Variants in GABRG3 observed in about 807,000 individuals in gnomAD.
GABRG3 encodes gamma-aminobutyric acid receptor subunit gamma-3.
GABRG3 carries 25 observed loss-of-function variants against 48.8 expected under a neutral mutation model. The ratio of observed to expected loss-of-function variants is 0.51; its 90% CI spans 0.37 to 0.72. The LOEUF (loss-of-function observed/expected upper bound fraction) is 0.72, where lower values mean the gene tolerates loss of function less well. Ranked by LOEUF, GABRG3 falls within the 30% of genes least tolerant of loss-of-function variation. The pLI, the probability that GABRG3 is intolerant of heterozygous loss-of-function variation, is 0.00. For synonymous variants in GABRG3, 227 were observed against 217.6 expected (o/e 1.04, Z -0.38); for missense variants, 394 against 577.9 (o/e 0.68, Z 3.26).
chr15:27,131,692 T>C (rs1406259339), intron 3 of GABRG3, among the ~76,000 whole-genome samples: 4 of 152,032 alleles, frequency 2.6e-5, no homozygotes, highest in Admixed American at 6.6e-5. Context: ...TAAAATGCAG[T>C]TCTATTTTTA....
At chr15:27,171,519 T>TATATATATATAC (rs1298681977) in intron 3 of GABRG3, among the ~76,000 whole-genome samples, 1 of 148,376 alleles carries the variant, frequency 6.7e-6, no homozygotes, top group Non-Finnish European at 1.5e-5. Context: ...TATATATATA[T>TATATATATATAC]ATATACATAT....
In GABRG3 at chr15:27,029,376, G is replaced by A. The variant is rs116948377; in HGVS notation, c.270+2555G>A. Reference sequence around the variant, plus strand: ...TCTGATTTCCTGAGGAAGACACAACGTACTACTAGCCTACCTCGGCTCAGC... The same window carrying A: ...TCTGATTTCCTGAGGAAGACACAACATACTACTAGCCTACCTCGGCTCAGC... On this transcript the variant is annotated intron_variant, in intron 3 of 9. Transcript: ENST00000615808. 5.6e-3 allele frequency among the ~76,000 whole-genome samples: 855 copies of A among 152,232 alleles called. 30 individuals are homozygous for A. The highest frequency in any genetic ancestry group is 0.044 in the Admixed American group (674 of 15,294).
At chr15:27,027,597 C>G (rs1395519297) in intron 3 of GABRG3, among the ~76,000 whole-genome samples, 1 of 152,152 alleles carries the variant, frequency 6.6e-6, no homozygotes, top group East Asian at 1.9e-4. Flanking sequence ...GTAGCAAAAT[C>G]GTTTCTTTTC....
chr15:27,248,048 ACTGT>A (rs972457363), intron 3 of GABRG3, among the ~76,000 whole-genome samples: 3 of 152,208 alleles, frequency 2.0e-5, no homozygotes, highest in African/African-American at 7.2e-5. Flanking sequence ...CTCCACTGTC[ACTGT>A]CTGTGTTTCT....
chr15:27,240,331 C>T (rs1311411860), intron 3 of GABRG3, among the ~76,000 whole-genome samples: 1 of 152,146 alleles, frequency 6.6e-6, no homozygotes, highest in Non-Finnish European at 1.5e-5. Context: ...GGGAGCTAGT[C>T]CACAGTGCTG....
chr15:27,371,089 C>T (rs1322636775), intron 5 of GABRG3, among the ~76,000 whole-genome samples: 4 of 152,048 alleles, frequency 2.6e-5, no homozygotes, highest in Non-Finnish European at 4.4e-5. Context: ...TAGTAACCAG[C>T]TTTGATGGCC....
intron 5 of GABRG3, among the ~76,000 whole-genome samples, chr15:27,426,430 A>G (rs1247609352): frequency 1.3e-5 from 2 of 152,212 alleles, no homozygotes; most frequent in African/African-American, 4.8e-5. Context: ...AGGCAGTCCC[A>G]TGGGAAATCC....
chr15:27,374,697 G>T (rs554212172), intron 5 of GABRG3, among the ~76,000 whole-genome samples: 2 of 152,282 alleles, frequency 1.3e-5, no homozygotes, highest in East Asian at 3.9e-4. Context: ...GCCAAGGTGT[G>T]TGTGGAGCAG....
chr15:27,015,273 A>T (rs1895757435), intron 2 of GABRG3, among the ~76,000 whole-genome samples: 1 of 151,954 alleles, frequency 6.6e-6, no homozygotes, highest in Non-Finnish European at 1.5e-5. Flanking sequence ...GAAAGTAATT[A>T]CTGATAGGGA....
At position 26,971,467 on chromosome 15, in the gene GABRG3, C is replaced by T; in HGVS notation, c.-69C>T. On this transcript the variant is annotated 5_prime_UTR_variant, in exon 1 of 10. Coordinates refer to ENST00000615808, the MANE Select transcript of GABRG3 (RefSeq NM_033223.5). ...CAGGGCAAAGAGGGCCGGCGGAGAC[C>T]AGGTCCGCGCCGGAGGAAGCCGCGC... 1 of 1,330,410 alleles carries T rather than the reference C, an allele frequency of 7.5e-7. No individual in the cohort carries two copies. The highest frequency in any genetic ancestry group is 1.0e-6 in the Non-Finnish European group (1 of 999,172). 82.4% of individuals were successfully genotyped at this position (1,330,410 alleles called of 1,614,324 possible). A position where few individuals can be genotyped will look rare whatever the true frequency, so the allele number is the denominator to read the frequency against.
chr15:27,331,898 T>C (rs1893814620), intron 5 of GABRG3, among the ~76,000 whole-genome samples: 1 of 151,998 alleles, frequency 6.6e-6, no homozygotes, highest in Non-Finnish European at 1.5e-5. Flanking sequence ...AGAAATCAAT[T>C]AGGAATCTAT....
intron 3 of GABRG3, among the ~76,000 whole-genome samples, chr15:27,185,706 G>A (rs554144266): frequency 6.6e-6 from 1 of 152,066 alleles, no homozygotes; most frequent in African/African-American, 2.4e-5. Flanking sequence ...CATGTATTTT[G>A]ATGCTTTTGT....
chr15:27,172,226 C>T (rs986733323), intron 3 of GABRG3, among the ~76,000 whole-genome samples: 19 of 152,122 alleles, frequency 1.2e-4, no homozygotes, highest in African/African-American at 1.9e-4. Context: ...TGTGATATGA[C>T]GGGGCTAGGA....
Position 27,259,953 on chromosome 15 carries a change from T to C in GABRG3, c.271-66856T>C, listed in dbSNP as rs190684625. Among the ~76,000 whole-genome samples, 14 of 152,260 alleles carry C rather than the reference T, an allele frequency of 9.2e-5. No homozygotes were observed. The East Asian group carries it at 2.7e-3, about 29-fold the overall frequency. ...AGCTGTGAATGGAAAGAGAATTAGA[T>C]AGATTGAGAATCTTCCTCAGTGACA... On this transcript the variant is annotated intron_variant, in intron 3 of 9. Transcript: ENST00000615808.
Position 27,541,506 on chromosome 15 carries a change from C to G in GABRG3, c.*8625C>G, listed in dbSNP as rs962743454. 1 of 152,288 alleles carries G rather than the reference C, an allele frequency of 6.6e-6. No homozygotes were observed. The highest frequency in any genetic ancestry group is 1.5e-5 in the Non-Finnish European group (1 of 68,100). 9.4% of individuals were successfully genotyped at this position (152,288 alleles called of 1,614,324 possible). ...TCCTTCCTGCCTGTGAAGCCATTGTCCTCCAGATGGGAGGTAGGCCGGGAG... is the reference window on the plus strand; with the variant it reads ...TCCTTCCTGCCTGTGAAGCCATTGTGCTCCAGATGGGAGGTAGGCCGGGAG... On this transcript the variant is annotated 3_prime_UTR_variant, in exon 10 of 10. Coordinates refer to ENST00000615808, the MANE Select transcript of GABRG3 (RefSeq NM_033223.5).
chr15:27,401,998 A>T (rs1384822867), intron 5 of GABRG3, among the ~76,000 whole-genome samples: 1 of 152,210 alleles, frequency 6.6e-6, no homozygotes, highest in African/African-American at 2.4e-5. Flanking sequence ...AGGGATTTTT[A>T]AAAACATAGC....
chr15:27,079,436 C>G (rs1263155314), intron 3 of GABRG3, among the ~76,000 whole-genome samples: 1 of 152,144 alleles, frequency 6.6e-6, no homozygotes, highest in Non-Finnish European at 1.5e-5. Flanking sequence ...CAGATAATCA[C>G]TGTGATTTTC....
chr15:26,991,410 G>A (rs888133414), intron 2 of GABRG3, among the ~76,000 whole-genome samples: 1 of 151,664 alleles, frequency 6.6e-6, no homozygotes, highest in African/African-American at 2.4e-5. Flanking sequence ...TGGGTCTTCT[G>A]TGATTCCATA....
chr15:27,026,986 G>A, intron 3 of GABRG3, 165 bp downstream of exon 3: 1 of 466,460 alleles, frequency 2.1e-6, no homozygotes, highest in Non-Finnish European at 3.8e-6. Context: ...AAAAAAAAAT[G>A]AAGAAAGATA....
Sources: allele counts gnomAD v4.1 joint callset (sites outside exome capture counted in the v4.1 genomes callset), GRCh38; gene constraint gnomAD v4.1.1; transcripts MANE v1.5; gene names NCBI Gene and HGNC (gene_info 2026-07-23, HGNC 2026-07-21).